ROBO2: variants seen among roughly 807,000 people sequenced by gnomAD.
ROBO2 encodes roundabout guidance receptor 2.
A neutral mutation model predicts 160.8 loss-of-function variants in ROBO2; 53 were observed. The observed-to-expected ratio is 0.33, with a 90% CI of 0.26 to 0.41. The LOEUF is 0.41. Among genes scored for constraint, ROBO2 ranks in the 10% least tolerant of loss-of-function variants. The pLI is 1.00. For missense variants in ROBO2, 1,577 were observed against 1,722.4 expected (o/e 0.92, Z 1.49); for synonymous variants, 664 against 611.7 (o/e 1.09, Z -1.26).
At chr3:77,133,800 T>G (rs1259456649) in intron 2 of ROBO2, among the ~76,000 whole-genome samples, 2 of 152,220 alleles carry the variant, frequency 1.3e-5, no homozygotes, top group Non-Finnish European at 1.5e-5. Flanking sequence ...CTACCATATT[T>G]GTTTGTTATA....
intron 2 of ROBO2, among the ~76,000 whole-genome samples, chr3:76,702,896 A>G (rs879095565): frequency 3.3e-5 from 5 of 152,110 alleles, no homozygotes; most frequent in African/African-American, 4.8e-5. Flanking sequence ...AGCTAATTCA[A>G]TTCTTTAGAG....
At chr3:76,596,274 T>C (rs915408901) in intron 2 of ROBO2, among the ~76,000 whole-genome samples, 1 of 152,090 alleles carries the variant, frequency 6.6e-6, no homozygotes, top group Non-Finnish European at 1.5e-5. Context: ...GAAACATATA[T>C]TGAAATGGGA....
At chr3:76,256,315 CTCTCTCTCTCTCT>C (rs1706364529) in intron 2 of ROBO2, among the ~76,000 whole-genome samples, 1 of 73,882 alleles carries the variant, frequency 1.4e-5, no homozygotes, top group South Asian at 5.0e-4. Context: ...CTCTCTCTCT[CTCTCTCTCTCTCT>C]CTCTCTCTCT....
chr3:76,558,565 A>T (rs2083956897), intron 2 of ROBO2, among the ~76,000 whole-genome samples: 1 of 152,100 alleles, frequency 6.6e-6, no homozygotes. Flanking sequence ...ATTTACATTT[A>T]TACAAAATAA....
intron 2 of ROBO2, among the ~76,000 whole-genome samples, chr3:77,154,006 C>T (rs12639079): frequency 0.13 from 19,008 of 151,946 alleles, 1,800 homozygotes; most frequent in East Asian, 0.31. Flanking sequence ...TCTGGCTCTG[C>T]CAATATGAGC....
At chr3:76,500,483 C>T (rs2080398937) in intron 2 of ROBO2, among the ~76,000 whole-genome samples, 1 of 152,182 alleles carries the variant, frequency 6.6e-6, no homozygotes, top group Admixed American at 6.5e-5. Context: ...GAGGTGATTC[C>T]TGAAGTGCCT....
At chr3:76,714,364 G>A (rs2093347192) in intron 2 of ROBO2, among the ~76,000 whole-genome samples, 1 of 152,030 alleles carries the variant, frequency 6.6e-6, no homozygotes, top group Non-Finnish European at 1.5e-5. Context: ...TGGACGGGTG[G>A]GATCTGTGTT....
At chr3:77,607,202 C>T (rs780566297) in intron 20 of ROBO2, among the ~76,000 whole-genome samples, 5 of 152,140 alleles carry the variant, frequency 3.3e-5, no homozygotes, top group Non-Finnish European at 5.9e-5. Context: ...TAGCTAAGAA[C>T]TATTCACATA....
intron 2 of ROBO2, among the ~76,000 whole-genome samples, chr3:76,555,358 G>GGAAGAAGA (rs1201244951): frequency 2.4e-4 from 14 of 57,982 alleles, no homozygotes; most frequent in African/African-American, 7.3e-4. Flanking sequence ...AGTAGGAAGA[G>GGAAGAAGA]AGAAGAAGAA....
intron 2 of ROBO2, among the ~76,000 whole-genome samples, chr3:76,676,169 A>G (rs1414201874): frequency 2.6e-5 from 4 of 152,128 alleles, no homozygotes; most frequent in Admixed American, 1.3e-4. Flanking sequence ...TTGTAATCCG[A>G]ATTATAATCC....
chr3:77,358,919 CATT>C (rs1475269146), intron 2 of ROBO2, among the ~76,000 whole-genome samples: 1 of 152,170 alleles, frequency 6.6e-6, no homozygotes, highest in Admixed American at 6.6e-5. Flanking sequence ...TGAGCACAGT[CATT>C]GTAGGAAAAT....
At chr3:76,139,830 G>A (rs188800676) in intron 2 of ROBO2, among the ~76,000 whole-genome samples, 2 of 151,936 alleles carry the variant, frequency 1.3e-5, no homozygotes, top group African/African-American at 4.8e-5. Flanking sequence ...GTGAAGTTTC[G>A]TTTCCAATCT....
chr3:76,157,179 G>T (rs1351105891), intron 2 of ROBO2, among the ~76,000 whole-genome samples: 32 of 152,112 alleles, frequency 2.1e-4, no homozygotes, highest in Admixed American at 2.1e-3. Context: ...TATCAGTAAG[G>T]TATGCATCCA....
intron 20 of ROBO2, among the ~76,000 whole-genome samples, chr3:77,605,505 C>T (rs2094508957): frequency 1.3e-5 from 2 of 152,096 alleles, no homozygotes; most frequent in African/African-American, 4.8e-5. Context: ...GCAGAAATTT[C>T]CTCAAAAGAA....
At chr3:76,716,034 T>TA (rs1183710267) in intron 2 of ROBO2, among the ~76,000 whole-genome samples, 1 of 152,206 alleles carries the variant, frequency 6.6e-6, no homozygotes, top group Non-Finnish European at 1.5e-5. Flanking sequence ...ATGATATTCT[T>TA]ATAAAGGGCT....
At chr3:76,326,794 A>G (rs1220523494) in intron 2 of ROBO2, among the ~76,000 whole-genome samples, 3 of 92,078 alleles carry the variant, frequency 3.3e-5, no homozygotes, top group African/African-American at 9.0e-5. Flanking sequence ...AGCAGTCCCC[A>G]GAGCGTGATG....
At chr3:76,046,748 A>T (rs1466719867) in intron 2 of ROBO2, among the ~76,000 whole-genome samples, 5 of 152,112 alleles carry the variant, frequency 3.3e-5, no homozygotes, top group African/African-American at 1.2e-4. Flanking sequence ...CCTTCTCTTT[A>T]TGAGGGGCCA....
intron 2 of ROBO2, among the ~76,000 whole-genome samples, chr3:76,732,383 G>A (rs192164796): frequency 6.6e-6 from 1 of 152,196 alleles, no homozygotes. Flanking sequence ...AAGTTTCTAG[G>A]GGAATTATTG....
At chr3:76,438,792 G>A (rs1485645492) in intron 2 of ROBO2, among the ~76,000 whole-genome samples, 1 of 151,864 alleles carries the variant, frequency 6.6e-6, no homozygotes, top group Admixed American at 6.6e-5. Flanking sequence ...TATCAACTAT[G>A]CTTTATTTAA....
Sources: gnomAD v4.1 joint callset for allele counts (sites outside exome capture counted in the v4.1 genomes callset) on GRCh38, gnomAD v4.1.1 for gene constraint, MANE v1.5 for transcripts, NCBI Gene and HGNC (gene_info 2026-07-23, HGNC 2026-07-21) for gene names.